DCC: variants seen among roughly 807,000 people sequenced by gnomAD.
DCC encodes the protein DCC netrin 1 receptor, also known as netrin receptor DCC.
In DCC, 58 loss-of-function variants were observed where a neutral mutation model predicts 172.5. The observed-to-expected ratio is 0.34, with a 90% CI of 0.27 to 0.42. DCC has a LOEUF of 0.42. DCC is among the 10% of genes least tolerant of loss of function. DCC has a pLI of 1.00. For missense variants in DCC, 1,740 were observed against 1,791.0 expected (o/e 0.97, Z 0.51); for synonymous variants, 709 against 644.5 (o/e 1.10, Z -1.52).
chr18:53,515,118 A>T (rs910636421), intron 27 of DCC, among the ~76,000 whole-genome samples: 1 of 151,706 alleles, frequency 6.6e-6, no homozygotes, highest in Admixed American at 6.6e-5. Flanking sequence ...AGTGGGCTTC[A>T]TCCCTGGGAT....
chr18:52,828,536 T>A (rs7230693), intron 2 of DCC, among the ~76,000 whole-genome samples: 1 of 151,760 alleles, frequency 6.6e-6, no homozygotes, highest in East Asian at 1.9e-4. Flanking sequence ...CAGTAGCCAG[T>A]GTGTAATCTT....
chr18:53,503,873 A>T (rs2046135395), intron 27 of DCC, among the ~76,000 whole-genome samples: 1 of 152,218 alleles, frequency 6.6e-6, no homozygotes, highest in Non-Finnish European at 1.5e-5. Context: ...TTTTACACAC[A>T]TATATTTATA....
chr18:53,339,994 G>C, intron 15 of DCC, 87 bp downstream of exon 15: 1 of 1,229,414 alleles, frequency 8.1e-7, no homozygotes, highest in Non-Finnish European at 1.2e-6. Context: ...CTGTTCCCTG[G>C]TATGATGGTT....
chr18:53,425,357 C>CTTTTTTTTTTTTT lies in DCC; in HGVS notation c.3163+9209_3163+9221dup, dbSNP rs747096336. Among the ~76,000 whole-genome samples the CTTTTTTTTTTTTT allele has an allele frequency of 4.7e-4, 48 of 101,628 alleles. 2 individuals are homozygous for CTTTTTTTTTTTTT. Among genetic ancestry groups the CTTTTTTTTTTTTT allele is most frequent in the Non-Finnish European group, 5.8e-4 (30 of 51,300 alleles). The allele number at this position is 101,628 out of a possible 152,430, so 66.7% of individuals were successfully genotyped here. ...CCACAATTTTCCCCGTTTCTCCTCT[C>CTTTTTTTTTTTTT]TTTTTTTTTTTTTTTTTTTTGAGAC... On this transcript the variant is annotated intron_variant, in intron 21 of 28. Transcript: ENST00000442544.
At chr18:52,462,191 C>T (rs1988651268) in intron 1 of DCC, among the ~76,000 whole-genome samples, 1 of 152,140 alleles carries the variant, frequency 6.6e-6, no homozygotes, top group South Asian at 2.1e-4. Context: ...GCAATAACCT[C>T]ATATGTTGTC....
chr18:53,138,332 T>G (rs2043778165), intron 7 of DCC, among the ~76,000 whole-genome samples: 1 of 152,222 alleles, frequency 6.6e-6, no homozygotes, highest in Non-Finnish European at 1.5e-5. Context: ...TCCACATTCT[T>G]GAACAGTGAC....
chr18:53,193,694 G>T (rs2055399806), intron 9 of DCC, among the ~76,000 whole-genome samples: 1 of 152,018 alleles, frequency 6.6e-6, no homozygotes, highest in Non-Finnish European at 1.5e-5. Flanking sequence ...TGACTTCCGT[G>T]AAACCTACGT....
At chr18:53,057,257 G>T (rs1173129448) in intron 5 of DCC, among the ~76,000 whole-genome samples, 1 of 151,882 alleles carries the variant, frequency 6.6e-6, no homozygotes, top group Non-Finnish European at 1.5e-5. Context: ...CAAATGGGTA[G>T]TCATGGCATA....
intron 1 of DCC, among the ~76,000 whole-genome samples, chr18:52,412,652 G>A (rs1986881945): frequency 6.6e-6 from 1 of 152,090 alleles, no homozygotes; most frequent in African/African-American, 2.4e-5. Flanking sequence ...ACCAAGGCTT[G>A]TGCCCCAAGA....
intron 12 of DCC, among the ~76,000 whole-genome samples, chr18:53,267,746 G>A (rs1356147861): frequency 1.3e-5 from 2 of 151,844 alleles, no homozygotes; most frequent in Non-Finnish European, 2.9e-5. Context: ...GATTAAAGGT[G>A]TAAGCCAATG....
intron 3 of DCC, among the ~76,000 whole-genome samples, chr18:52,917,116 C>CAAAAAAAAAAAAAAAAAAAAAAA (rs36010390): frequency 1.2e-5 from 1 of 82,410 alleles, no homozygotes; most frequent in Non-Finnish European, 2.2e-5. Context: ...AACCCCGTCT[C>CAAAAAAAAAAAAAAAAAAAAAAA]AAAAAAAAAA....
At chr18:52,536,537 A>G (rs184867593) in intron 1 of DCC, among the ~76,000 whole-genome samples, 2 of 152,274 alleles carry the variant, frequency 1.3e-5, no homozygotes, top group Admixed American at 1.3e-4. Context: ...CAAGGTATCA[A>G]TCATATGAAA....
intron 2 of DCC, among the ~76,000 whole-genome samples, chr18:52,766,197 G>A (rs1043748603): frequency 1.3e-5 from 2 of 152,218 alleles, no homozygotes; most frequent in African/African-American, 4.8e-5. Context: ...AGCAGGTACA[G>A]GAGCCAGAGC....
At chr18:52,655,434 C>A (rs2035226848) in intron 1 of DCC, among the ~76,000 whole-genome samples, 1 of 152,128 alleles carries the variant, frequency 6.6e-6, no homozygotes, top group Non-Finnish European at 1.5e-5. Flanking sequence ...TCTTTTTGTG[C>A]CTGGCACTTG....
chr18:53,339,709 C>T lies in DCC; in HGVS notation c.2165-4C>T, dbSNP rs1568066566. Reference sequence around the variant, plus strand: ...TGCTGATGATGCCTCTTTTTGAATGCTAGAATCTCAAGTTCCTGATCAACC... The same window carrying T: ...TGCTGATGATGCCTCTTTTTGAATGTTAGAATCTCAAGTTCCTGATCAACC... On this transcript the variant is annotated splice_polypyrimidine_tract_variant and splice_region_variant and intron_variant, in intron 14 of 28. Coordinates refer to ENST00000442544, the MANE Select transcript of DCC (RefSeq NM_005215.4). 1 of 1,612,900 alleles carries T rather than the reference C, an allele frequency of 6.2e-7. No homozygotes were observed. The highest frequency in any genetic ancestry group is 1.7e-4 in the Middle Eastern group (1 of 6,058).
rs79076971 is a variant in DCC at position 52,526,842 on chromosome 18, T to C, written c.91+185964T>C. Among the ~76,000 whole-genome samples the C allele has an allele frequency of 3.2e-3, 489 of 152,282 alleles. 7 individuals are homozygous for C. Among genetic ancestry groups the C allele is most frequent in the East Asian group, 0.026 (136 of 5,182 alleles). The stretch of plus-strand genomic sequence containing the variant: ...TATTTCATAGATCCATCTATTTTGG[T>C]GATCTGGAAGTAGGAATATAGTAAA... On this transcript the variant is annotated intron_variant, in intron 1 of 28. Transcript: ENST00000442544.
Position 52,618,290 on chromosome 18 carries a change from A to G in DCC, c.92-133764A>G, listed in dbSNP as rs1893401. On this transcript the variant is annotated intron_variant, in intron 1 of 28. Transcript: ENST00000442544. ...TGGAATATGACCTCCTGGCAAATCA[A>G]CAAATTTGTTTTTAAAAAAAACAAA... Among the ~76,000 whole-genome samples the G allele has an allele frequency of 4.7e-3, 721 of 152,324 alleles. 9 individuals are homozygous for G. Among genetic ancestry groups the G allele is most frequent in the African/African-American group, 0.017 (696 of 41,572 alleles).
rs903081632 is a variant in DCC, at chr18:53,052,969, C to T, written c.986-10336C>T. On this transcript the variant is annotated intron_variant, in intron 5 of 28. Coordinates refer to ENST00000442544, the MANE Select transcript of DCC (RefSeq NM_005215.4). ...ACCAGCTTGGCCAATGTGGCAAAAC[C>T]GTGTCTCCACTAAAAATACAAAAAT... Among the ~76,000 whole-genome samples, 12 of 152,096 alleles carry T rather than the reference C, an allele frequency of 7.9e-5. No homozygotes were observed. The South Asian group carries it at 8.3e-4, about 11-fold the overall frequency.
chr18:52,692,566 G>A (rs991581770), intron 1 of DCC, among the ~76,000 whole-genome samples: 3 of 152,020 alleles, frequency 2.0e-5, no homozygotes, highest in Admixed American at 6.6e-5. Context: ...CAAGTAGCTG[G>A]GATTACAGGT....
Sources: allele counts gnomAD v4.1 joint callset (sites outside exome capture counted in the v4.1 genomes callset), GRCh38; gene constraint gnomAD v4.1.1; transcripts MANE v1.5; gene names NCBI Gene and HGNC (gene_info 2026-07-23, HGNC 2026-07-21).